KIRREL3: variants seen among roughly 807,000 people sequenced by gnomAD.
KIRREL3 encodes kirre like nephrin family adhesion molecule 3, also known as kin of IRRE-like protein 3.
Under a neutral mutation model 89.7 loss-of-function variants are expected in KIRREL3, and 36 were observed. The ratio of observed to expected loss-of-function variants is 0.40; its 90% CI spans 0.31 to 0.53. The LOEUF is 0.53. Ranked by LOEUF, KIRREL3 falls within the 20% of genes least tolerant of loss-of-function variation. The pLI is 0.49. For missense variants in KIRREL3, 864 were observed against 1,056.6 expected, an observed-to-expected ratio of 0.82 and a Z score of 2.53; for synonymous variants, 445 against 441.4, an observed-to-expected ratio of 1.01 and a Z score of -0.10.
At chr11:126,567,841 C>A (rs1284559358) in intron 1 of KIRREL3, among the ~76,000 whole-genome samples, 2 of 152,090 alleles carry the variant, frequency 1.3e-5, no homozygotes, top group Non-Finnish European at 2.9e-5. Context: ...CATTAATGTG[C>A]CCTCAAGTAA....
intron 1 of KIRREL3, among the ~76,000 whole-genome samples, chr11:126,702,208 T>C (rs1447835700): frequency 6.6e-6 from 1 of 152,170 alleles, no homozygotes; most frequent in African/African-American, 2.4e-5. Context: ...GAGAATTTAA[T>C]GATAATGCAT....
At chr11:126,448,425 AC>A (rs1252694785) in intron 8 of KIRREL3, among the ~76,000 whole-genome samples, 2 of 152,094 alleles carry the variant, frequency 1.3e-5, no homozygotes, top group Non-Finnish European at 2.9e-5. Flanking sequence ...CTACTGTGTG[AC>A]CTCAGACCTC....
At chr11:126,584,652 C>T (rs1407326181) in intron 1 of KIRREL3, among the ~76,000 whole-genome samples, 1 of 152,170 alleles carries the variant, frequency 6.6e-6, no homozygotes, top group Non-Finnish European at 1.5e-5. Flanking sequence ...ACCAATGACA[C>T]TACCAGCTTC....
At chr11:126,852,534 CCGTA>C (rs1944378490) in intron 1 of KIRREL3, among the ~76,000 whole-genome samples, 1 of 152,214 alleles carries the variant, frequency 6.6e-6, no homozygotes, top group South Asian at 2.1e-4. Context: ...TATCTGGAGA[CCGTA>C]AGTCCTCTGG....
rs74693927 is a variant in KIRREL3 at position 126,451,779 on chromosome 11, C to G, written c.849-2622G>C. On this transcript the variant is annotated intron_variant, in intron 7 of 16. Transcript: ENST00000525144. ...GGATCTCCAGGGAGAGAGAGTTCTC[C>G]GTTTCCCCTGGTTTAATCCTACTCT... Among the ~76,000 whole-genome samples the G allele has an allele frequency of 9.6e-3, 1,456 of 151,188 alleles. 26 individuals are homozygous for G. The highest frequency in any genetic ancestry group is 0.032 in the African/African-American group (1,301 of 41,076).
intron 1 of KIRREL3, among the ~76,000 whole-genome samples, chr11:126,873,391 G>A (rs931731743): frequency 1.3e-5 from 2 of 152,202 alleles, no homozygotes; most frequent in African/African-American, 4.8e-5. Flanking sequence ...CTTTGCGGGT[G>A]ACTGGATAAT....
intron 1 of KIRREL3, among the ~76,000 whole-genome samples, chr11:126,659,448 C>T (rs1402989587): frequency 6.6e-6 from 1 of 152,164 alleles, no homozygotes; most frequent in Non-Finnish European, 1.5e-5. Flanking sequence ...CCATGAATTT[C>T]TGAATAGAGT....
chr11:126,941,486 A>C (rs1948442769), intron 1 of KIRREL3, among the ~76,000 whole-genome samples: 2 of 152,208 alleles, frequency 1.3e-5, no homozygotes, highest in Admixed American at 6.5e-5. Flanking sequence ...TCTGCATTTT[A>C]AAATCACTCA....
At chr11:126,751,335 A>G (rs1949328898) in intron 1 of KIRREL3, among the ~76,000 whole-genome samples, 1 of 152,236 alleles carries the variant, frequency 6.6e-6, no homozygotes, top group Non-Finnish European at 1.5e-5. Flanking sequence ...CAGAATGTCT[A>G]TTGCTTTGAG....
chr11:126,888,203 G>A (rs1371394166), intron 1 of KIRREL3, among the ~76,000 whole-genome samples: 1 of 152,186 alleles, frequency 6.6e-6, no homozygotes, highest in African/African-American at 2.4e-5. Flanking sequence ...GGAAGCTTGG[G>A]AGAAAATTCT....
rs1241565210 is a variant in KIRREL3, at chr11:126,636,490, G to A, written c.56-73578C>T. ...GATAGAAAAAAGGCATAAAGCCACT[G>A]GATATGTGGCAGCTCTGCCTTCGTG... On this transcript the variant is annotated intron_variant, in intron 1 of 16. Transcript: ENST00000525144. The surrounding 1 kb of genome is among the most constrained non-coding windows in gnomAD (Gnocchi z 4.4). 6.6e-6 allele frequency among the ~76,000 whole-genome samples: 1 copy of A among 152,196 alleles called. No homozygotes were observed. The highest frequency in any genetic ancestry group is 1.9e-4 in the East Asian group (1 of 5,196).
rs545127932 is a variant in KIRREL3 at position 126,610,456 on chromosome 11, A to G, written c.56-47544T>C. 6.6e-6 allele frequency among the ~76,000 whole-genome samples: 1 copy of G among 152,332 alleles called. No homozygotes were observed. Among genetic ancestry groups the G allele is most frequent in the African/African-American group, 2.4e-5 (1 of 41,584 alleles). On this transcript the variant is annotated intron_variant, in intron 1 of 16. Transcript: ENST00000525144. The surrounding 1 kb of genome is among the most constrained non-coding windows in gnomAD (Gnocchi z 4.6). ...ATTCACAAATGAACACATTAGGCTC[A>G]AGGACAGAAGGGACATACTTAGGAT...
chr11:126,464,037 G>A (rs1956636957), intron 5 of KIRREL3, among the ~76,000 whole-genome samples: 1 of 152,126 alleles, frequency 6.6e-6, no homozygotes, highest in South Asian at 2.1e-4. Context: ...CCTACAGCAG[G>A]TTGAATGGTG....
upstream of KIRREL3, among the ~76,000 whole-genome samples, chr11:127,002,411 A>G (rs1269243591): frequency 6.6e-6 from 1 of 152,250 alleles, no homozygotes; most frequent in Non-Finnish European, 1.5e-5. Context: ...AGCTAAATTA[A>G]CAAACAAGTT....
intron 1 of KIRREL3, among the ~76,000 whole-genome samples, chr11:126,753,144 A>T (rs561078406): frequency 6.6e-6 from 1 of 152,362 alleles, no homozygotes; most frequent in East Asian, 1.9e-4. Flanking sequence ...TAGGAAAGAC[A>T]GGAGAAACAA....
At chr11:126,567,837 T>C (rs1057056912) in intron 1 of KIRREL3, among the ~76,000 whole-genome samples, 1 of 152,108 alleles carries the variant, frequency 6.6e-6, no homozygotes, top group Admixed American at 6.5e-5. Context: ...CAGACATTAA[T>C]GTGCCCTCAA....
At chr11:126,631,884 T>C (rs971816127) in intron 1 of KIRREL3, among the ~76,000 whole-genome samples, 2 of 152,222 alleles carry the variant, frequency 1.3e-5, no homozygotes, top group South Asian at 2.1e-4. Context: ...CCTGGTCTTA[T>C]GGATTATGTA....
chr11:126,995,285 C>T lies in KIRREL3; in HGVS notation c.55+5170G>A, dbSNP rs979670756. 3 of 456,110 alleles carry T rather than the reference C, an allele frequency of 6.6e-6. No homozygotes were observed. Among genetic ancestry groups the T allele is most frequent in the African/African-American group, 6.0e-5 (3 of 50,052 alleles). 28.3% of individuals were successfully genotyped at this position (456,110 alleles called of 1,614,324 possible). On this transcript the variant is annotated intron_variant, in intron 1 of 16. Coordinates refer to ENST00000525144, the MANE Select transcript of KIRREL3 (RefSeq NM_032531.4). The surrounding 1 kb of genome is among the most constrained non-coding windows in gnomAD (Gnocchi z 6.5). Reference sequence around the variant, plus strand: ...CCAATCACTCTGCTGCAAGCGCCACCATTAAAGTCAAGATCACTGTGGTGG... The same window carrying T: ...CCAATCACTCTGCTGCAAGCGCCACTATTAAAGTCAAGATCACTGTGGTGG...
Position 126,768,302 on chromosome 11 carries a change from C to T in KIRREL3, c.56-205390G>A, listed in dbSNP as rs1487732843. ...TTCATCCATCCATCCATCCATCCAT[C>T]CAATCTGTCCATCTGTCCATCCATA... On this transcript the variant is annotated intron_variant, in intron 1 of 16. Coordinates refer to ENST00000525144, the MANE Select transcript of KIRREL3 (RefSeq NM_032531.4). This position sits in a 1 kb window ranked among gnomAD's most constrained non-coding sequence, Gnocchi z 4.5. Among the ~76,000 whole-genome samples, 1 of 152,002 alleles carries T rather than the reference C, an allele frequency of 6.6e-6. No homozygotes were observed. Among genetic ancestry groups the T allele is most frequent in the Non-Finnish European group, 1.5e-5 (1 of 67,998 alleles).
Sources: allele counts gnomAD v4.1 joint callset (sites outside exome capture counted in the v4.1 genomes callset), GRCh38; gene constraint gnomAD v4.1.1; non-coding constraint Gnocchi (gnomAD v3.1); transcripts MANE v1.5; gene names NCBI Gene and HGNC (gene_info 2026-07-23, HGNC 2026-07-21).